The following SNCG variants were observed in gnomAD, a reference collection of about 807,000 sequenced individuals.
The protein encoded by SNCG is gamma-synuclein.
Under a neutral mutation model 16.0 loss-of-function variants are expected in SNCG, and 13 were observed. The observed-to-expected ratio is 0.81, with a 90% CI of 0.53 to 1.29. The LOEUF (loss-of-function observed/expected upper bound fraction) is 1.29, where lower values mean the gene tolerates loss of function less well. Among genes scored for constraint, SNCG ranks in the 50% most tolerant of loss-of-function variants. The probability of loss-of-function intolerance (pLI) is 0.00; values close to 1 mark genes in which losing one functional copy is unlikely to be tolerated. For missense variants in SNCG, 154 were observed against 168.5 expected (o/e 0.91, Z 0.48); for synonymous variants, 66 against 66.3 (o/e 1.00, Z 0.02).
At chr10:86,960,584 G>A (rs547302802) in intron 3 of SNCG, among the ~76,000 whole-genome samples, 1 of 152,270 alleles carries the variant, frequency 6.6e-6, no homozygotes, top group Admixed American at 6.5e-5. Flanking sequence ...GGGAGCCTCA[G>A]GGAAGTAGCG....
upstream of SNCG, among the ~76,000 whole-genome samples, chr10:86,955,987 G>A (rs1393660351): frequency 6.6e-6 from 1 of 152,088 alleles, no homozygotes; most frequent in African/African-American, 2.4e-5. Context: ...CCAAGGGGGT[G>A]GGGAGGAAGA....
rs749950520 is a variant in SNCG at position 86,959,664 on chromosome 10, C to A, written c.153C>A (p.Ser51Arg). The A allele has an allele frequency of 1.2e-6, 2 of 1,610,962 alleles. No homozygotes were observed. Among genetic ancestry groups the A allele is most frequent in the Non-Finnish European group, 1.7e-6 (2 of 1,178,770 alleles). The change falls in exon 2 of 5, where the codon AGC becomes AGA. Residue 51 changes from serine to arginine, a missense_variant. Physicochemically the swap from Ser to Arg is moderately radical, Grantham distance 110. Coordinates refer to ENST00000372017, the MANE Select transcript of SNCG (RefSeq NM_003087.3). The surrounding 1 kb of genome is among the most constrained non-coding windows in gnomAD (Gnocchi z 4.3). Reference protein sequence around the residue: ...GAKTKENVVQSVTSVAEKTKE... With the variant: ...GAKTKENVVQRVTSVAEKTKE... ...AGACCAAGGAGAATGTTGTACAGAG[C>A]GTGACCTCAGGTGAGAAGCCCCAGG...
rs757558282 is a variant in SNCG, at chr10:86,959,704, G to A, written c.163+30G>A. The A allele has an allele frequency of 1.9e-6, 3 of 1,583,816 alleles. No individual in the cohort carries two copies. In the East Asian group the frequency reaches 6.7e-5, roughly 35 times the overall value. On this transcript the variant is annotated intron_variant, in intron 2 of 4. Transcript: ENST00000372017. This position sits in a 1 kb window ranked among gnomAD's most constrained non-coding sequence, Gnocchi z 4.3. ...GAAGCCCCAGGGCCAGGGGACACAT[G>A]GGGGATAGGACCCCTGGGGCTCCTG...
chr10:86,957,574 G>C, upstream of SNCG: 1 of 1,564,076 alleles, frequency 6.4e-7, no homozygotes, highest in Non-Finnish European at 8.6e-7. Context: ...CTCACACTCA[G>C]CCTTGGCAAG....
Position 86,959,555 on chromosome 10 carries a change from G to T in SNCG, c.122-78G>T. ...CCCCACCGACCCCACAGTTTGTCCA[G>T]CTGTTCTGTTGTGTTTGTCCTGACC... On this transcript the variant is annotated intron_variant, in intron 1 of 4. Transcript: ENST00000372017. The surrounding 1 kb of genome is among the most constrained non-coding windows in gnomAD (Gnocchi z 4.3). The T allele has an allele frequency of 7.5e-7, 1 of 1,341,638 alleles. No homozygotes were observed. The highest frequency in any genetic ancestry group is 2.3e-5 in the East Asian group (1 of 43,324). 83.1% of individuals were successfully genotyped at this position (1,341,638 alleles called of 1,614,324 possible). A position where few individuals can be genotyped will look rare whatever the true frequency, so the allele number is the denominator to read the frequency against.
Position 86,962,987 on chromosome 10 carries a change from G to A in SNCG, c.*2G>A. Reference sequence around the variant, plus strand: ...CAGGCCCAGAGTGGGGGAGACTAGAGGGCTACAGGCCAGCGTGGATGACCT... The same window carrying A: ...CAGGCCCAGAGTGGGGGAGACTAGAAGGCTACAGGCCAGCGTGGATGACCT... On this transcript the variant is annotated 3_prime_UTR_variant, in exon 5 of 5. Coordinates refer to ENST00000372017, the MANE Select transcript of SNCG (RefSeq NM_003087.3). The A allele has an allele frequency of 6.2e-7, 1 of 1,603,810 alleles. No homozygotes were observed. Among genetic ancestry groups the A allele is most frequent in the Non-Finnish European group, 8.5e-7 (1 of 1,176,178 alleles).
chr10:86,957,234 T>C, upstream of SNCG: 2 of 859,096 alleles, frequency 2.3e-6, no homozygotes, highest in Non-Finnish European at 3.7e-6. Context: ...GACTACTTTT[T>C]CAGCCTCACA....
In SNCG at chr10:86,959,180, A is replaced by C. The variant is rs1844293134; in HGVS notation, c.121+362A>C. Among the ~76,000 whole-genome samples, 2 of 152,272 alleles carry C rather than the reference A, an allele frequency of 1.3e-5. No individual in the cohort carries two copies. The highest frequency in any genetic ancestry group is 1.9e-4 in the East Asian group (1 of 5,162). On this transcript the variant is annotated intron_variant, in intron 1 of 4. Transcript: ENST00000372017. The surrounding 1 kb of genome is among the most constrained non-coding windows in gnomAD (Gnocchi z 4.3). ...ACCCTCTCCACACGGGAGCGGCTAC[A>C]GCCAGGTCACGGATCCCCTCCCTCC... is the stretch of plus-strand genomic sequence containing the variant.
Position 86,962,947 on chromosome 10 carries a change from G to A in SNCG, c.364-18G>A, listed in dbSNP as rs1157309580. 1.3e-6 allele frequency: 2 copies of A among 1,599,478 alleles called. No individual in the cohort carries two copies. Among genetic ancestry groups the A allele is most frequent in the African/African-American group, 1.3e-5 (1 of 74,918 alleles). On this transcript the variant is annotated intron_variant, in intron 4 of 4. Coordinates refer to ENST00000372017, the MANE Select transcript of SNCG (RefSeq NM_003087.3). ...GCTGGGGCCTGGAGCTGGGTGTGCA[G>A]GTCATTCTCTCTCCCAGGCCCAGAG...
intron 4 of SNCG, 30 bp downstream of exon 4, chr10:86,962,705 G>C (rs74150419): frequency 1.9e-6 from 3 of 1,567,050 alleles, no homozygotes; most frequent in South Asian, 2.3e-5. Flanking sequence ...GGTGCACCAT[G>C]GGGGGTTCCT....
chr10:86,958,694 C>T lies in SNCG; in HGVS notation c.-4C>T. ...CTGCAGCAGCACAACCCTGCACACC[C>T]ACCATGGATGTCTTCAAGAAGGGCT... On this transcript the variant is annotated 5_prime_UTR_variant, in exon 1 of 5. Coordinates refer to ENST00000372017, the MANE Select transcript of SNCG (RefSeq NM_003087.3). 1 of 1,614,008 alleles carries T rather than the reference C, an allele frequency of 6.2e-7. No homozygotes were observed. Among genetic ancestry groups the T allele is most frequent in the Non-Finnish European group, 8.5e-7 (1 of 1,179,976 alleles).
At chr10:86,958,101 C>G (rs959912968), upstream of SNCG, 1 of 985,250 alleles carries the variant, frequency 1.0e-6, no homozygotes, top group African/African-American at 1.7e-5. Context: ...ATCCTCCAAC[C>G]GGTTTCATGG....
upstream of SNCG, chr10:86,957,476 G>A: frequency 6.2e-7 from 1 of 1,613,376 alleles, no homozygotes; most frequent in East Asian, 2.2e-5. Context: ...TGGAAGCCTG[G>A]GCCCATGCCC....
At position 86,958,760 on chromosome 10, in the gene SNCG, G is replaced by A. The variant is rs1366647286; in HGVS notation, c.63G>A (p.Lys21=). ...AKEGVVGAVE[K]TKQGVTEAAE... ...AGGGCGTGGTGGGTGCGGTGGAAAA[G>A]ACCAAGCAGGGGGTGACGGAAGCAG... is the stretch of plus-strand genomic sequence containing the variant. Residue 21 remains lysine, a synonymous_variant, in exon 1 of 5, where the codon AAG becomes AAA. Coordinates refer to ENST00000372017, the MANE Select transcript of SNCG (RefSeq NM_003087.3). 6.2e-7 allele frequency: 1 copy of A among 1,613,804 alleles called. No individual in the cohort carries two copies. Among genetic ancestry groups the A allele is most frequent in the Admixed American group, 1.7e-5 (1 of 59,986 alleles).
At chr10:86,957,076 C>T (rs907868470), upstream of SNCG, among the ~76,000 whole-genome samples, 22 of 152,220 alleles carry the variant, frequency 1.4e-4, no homozygotes, top group Non-Finnish European at 5.9e-5. Flanking sequence ...CTGGCAATGG[C>T]TTCAGCCACA....
chr10:86,960,047 G>A lies in SNCG; in HGVS notation c.210G>A (p.Val70=). The A allele has an allele frequency of 1.2e-6, 2 of 1,612,596 alleles. No individual in the cohort carries two copies. The highest frequency in any genetic ancestry group is 1.7e-6 in the Non-Finnish European group (2 of 1,179,666). Residue 70 remains valine, a synonymous_variant, in exon 3 of 5, where the codon GTG becomes GTA. Coordinates refer to ENST00000372017, the MANE Select transcript of SNCG (RefSeq NM_003087.3). ...KEQANAVSEA[V]VSSVNTVATK... Reference sequence around the variant, plus strand: ...AGGCCAACGCCGTGAGCGAGGCTGTGGTGAGCAGCGTCAACACTGTGGCCA... The same window carrying A: ...AGGCCAACGCCGTGAGCGAGGCTGTAGTGAGCAGCGTCAACACTGTGGCCA...
upstream of SNCG, chr10:86,957,825 C>G: frequency 1.6e-6 from 2 of 1,217,798 alleles, no homozygotes; most frequent in Non-Finnish European, 2.0e-6. Flanking sequence ...CCACCAAATG[C>G]ATCCTTATGG....
upstream of SNCG, chr10:86,958,542 T>G (rs1844276526): frequency 8.6e-7 from 1 of 1,159,962 alleles, no homozygotes; most frequent in South Asian, 1.5e-5. Flanking sequence ...CAGGGCTGGC[T>G]GGGCTCCAGC....
At chr10:86,962,855 G>T in intron 4 of SNCG, 110 bp from the exon 5 acceptor site, 2 of 1,329,062 alleles carry the variant, frequency 1.5e-6, no homozygotes, top group Non-Finnish European at 2.1e-6. Context: ...GTCCCCCCAC[G>T]GATGACCCCT....
Sources: gnomAD v4.1 joint callset for allele counts (sites outside exome capture counted in the v4.1 genomes callset) on GRCh38, gnomAD v4.1.1 for gene constraint, Gnocchi (gnomAD v3.1) non-coding constraint, MANE v1.5 for transcripts, NCBI Gene and HGNC (gene_info 2026-07-23, HGNC 2026-07-21) for gene names.